Variants in FARP1 observed in about 807,000 individuals in gnomAD.
FARP1 encodes the protein FERM, ARHGEF and pleckstrin domain-containing protein 1.
Under a neutral mutation model 128.8 loss-of-function variants are expected in FARP1, and 52 were observed. That is an observed-to-expected ratio of 0.40 (90% confidence interval 0.32 to 0.51). FARP1 has a LOEUF of 0.51. Ranked by LOEUF, FARP1 falls within the 20% of genes least tolerant of loss-of-function variation. The pLI, the probability that FARP1 is intolerant of heterozygous loss-of-function variation, is 0.45. For synonymous variants in FARP1, 580 were observed against 551.8 expected (o/e 1.05, Z -0.72); for missense variants, 1,333 against 1,367.9 (o/e 0.97, Z 0.40).
chr13:98,244,667 C>T (rs371320712), intron 2 of FARP1: 2 of 1,614,086 alleles, frequency 1.2e-6, no homozygotes, highest in East Asian at 2.2e-5. Flanking sequence ...GAAGTAGAAG[C>T]TTAGCGGTCA....
chr13:98,295,166 G>C (rs1303252053), intron 2 of FARP1, among the ~76,000 whole-genome samples: 1 of 150,074 alleles, frequency 6.7e-6, no homozygotes, highest in Non-Finnish European at 1.5e-5. Flanking sequence ...TACATAAAGG[G>C]CTATGTTGTT....
chr13:98,438,684 C>T, intron 19 of FARP1, 120 bp from the exon 20 acceptor site: 1 of 754,228 alleles, frequency 1.3e-6, no homozygotes, highest in Non-Finnish European at 2.3e-6. Flanking sequence ...TTCTTGGGGT[C>T]TGCACGCTCG....
intron 12 of FARP1, among the ~76,000 whole-genome samples, 153 bp downstream of exon 12, chr13:98,393,871 A>G (rs1369393012): frequency 2.0e-5 from 3 of 152,186 alleles, no homozygotes; most frequent in Non-Finnish European, 2.9e-5. Flanking sequence ...CTTTGACCAG[A>G]TATAGGCTTT....
At chr13:98,424,445 A>C (rs1891702950) in intron 16 of FARP1, 127 bp from the exon 17 acceptor site, 4 of 687,952 alleles carry the variant, frequency 5.8e-6, no homozygotes, top group Non-Finnish European at 1.1e-5. Flanking sequence ...CCATGACCCC[A>C]TAAGAAGTTC....
At position 98,176,143 on chromosome 13, in the gene FARP1, C is replaced by G. The variant is rs1406940820; in HGVS notation, c.-24+32651C>G. ...CAACAGGCTGCTTCTCCCCAGTGTA[C>G]ATACAGACTTGAGTCTTTCTTATCT... On this transcript the variant is annotated intron_variant, in intron 1 of 26. Coordinates refer to ENST00000319562, the MANE Select transcript of FARP1 (RefSeq NM_005766.4). This position sits in a 1 kb window ranked among gnomAD's most constrained non-coding sequence, Gnocchi z 6.2. 2.4e-5 allele frequency: 39 copies of G among 1,601,418 alleles called. No homozygotes were observed. Among genetic ancestry groups the G allele is most frequent in the Non-Finnish European group, 3.0e-5 (35 of 1,169,274 alleles).
At chr13:98,438,534 A>T (rs527815028) in intron 19 of FARP1, among the ~76,000 whole-genome samples, 1 of 151,962 alleles carries the variant, frequency 6.6e-6, no homozygotes, top group Non-Finnish European at 1.5e-5. Flanking sequence ...TGGGGAGGAG[A>T]CAGATGATCC....
At chr13:98,220,583 A>G (rs1172761287) in intron 2 of FARP1, among the ~76,000 whole-genome samples, 2 of 152,178 alleles carry the variant, frequency 1.3e-5, no homozygotes. Flanking sequence ...AACTTTGATA[A>G]ATGGTGCTTG....
At chr13:98,205,843 G>C (rs1018175777) in intron 1 of FARP1, among the ~76,000 whole-genome samples, 22 of 152,022 alleles carry the variant, frequency 1.4e-4, no homozygotes, top group African/African-American at 5.1e-4. Context: ...TCCTCCTAAG[G>C]TCTGCCACCC....
intron 17 of FARP1, among the ~76,000 whole-genome samples, chr13:98,427,812 C>A (rs534515196): frequency 6.6e-6 from 1 of 152,326 alleles, no homozygotes; most frequent in East Asian, 1.9e-4. Context: ...ATGCCATGAG[C>A]GTTTATAGCA....
chr13:98,178,934 C>G (rs768639327), intron 1 of FARP1, among the ~76,000 whole-genome samples: 2 of 152,200 alleles, frequency 1.3e-5, no homozygotes, highest in African/African-American at 2.4e-5. Flanking sequence ...GTTTATACTT[C>G]AGAGTGAGGT....
At chr13:98,337,358 A>G (rs1191490248) in intron 2 of FARP1, among the ~76,000 whole-genome samples, 1 of 152,154 alleles carries the variant, frequency 6.6e-6, no homozygotes, top group Non-Finnish European at 1.5e-5. Flanking sequence ...GGCGACAGCA[A>G]TACACTGTCT....
At chr13:98,417,551 A>G (rs866817628) in intron 16 of FARP1, among the ~76,000 whole-genome samples, 2 of 145,938 alleles carry the variant, frequency 1.4e-5, no homozygotes, top group Non-Finnish European at 3.0e-5. Context: ...GAGGGCAAGG[A>G]TGGTTTGAGG....
chr13:98,165,852 A>C lies in FARP1; in HGVS notation c.-24+22360A>C, dbSNP rs1211779220. On this transcript the variant is annotated intron_variant, in intron 1 of 26. Transcript: ENST00000319562. ...ACTGCCTCAGCCTCCAGAGTAGCTG[A>C]GATTACAGGTGCACACCACCACGCC... Among the ~76,000 whole-genome samples, 3 of 149,714 alleles carry C rather than the reference A, an allele frequency of 2.0e-5. No homozygotes were observed. In the Admixed American group the frequency reaches 2.0e-4, roughly 10 times the overall value.
chr13:98,294,815 A>G (rs949647038), intron 2 of FARP1, among the ~76,000 whole-genome samples: 3 of 152,118 alleles, frequency 2.0e-5, no homozygotes, highest in South Asian at 4.2e-4. Flanking sequence ...CCAGGAGTTC[A>G]AGACCAGCCT....
chr13:98,217,222 C>T lies in FARP1; in HGVS notation c.171+3809C>T, dbSNP rs140073227. ...AAGAGCAGAGGAAATAAGACACAGCCATTTTTATTTTTTATTTTTATTTTT... is the reference window on the plus strand; with the variant it reads ...AAGAGCAGAGGAAATAAGACACAGCTATTTTTATTTTTTATTTTTATTTTT... On this transcript the variant is annotated intron_variant, in intron 2 of 26. Coordinates refer to ENST00000319562, the MANE Select transcript of FARP1 (RefSeq NM_005766.4). Among the ~76,000 whole-genome samples the T allele has an allele frequency of 5.8e-3, 883 of 152,192 alleles. 9 individuals are homozygous for T. Among genetic ancestry groups the T allele is most frequent in the African/African-American group, 0.02 (842 of 41,494 alleles).
Position 98,304,228 on chromosome 13 carries a change from GC to G in FARP1, c.172-39532del, listed in dbSNP as rs1332245176. Among the ~76,000 whole-genome samples the G allele has an allele frequency of 5.9e-5, 9 of 152,272 alleles. No individual in the cohort carries two copies. The East Asian group carries it at 1.7e-3, about 29-fold the overall frequency. ...TGCTCTGCCAGACCTGCATATGGAA[GC>G]CAGTGAAATTACTGGGTAATGGAGT... On this transcript the variant is annotated intron_variant, in intron 2 of 26. Transcript: ENST00000319562.
chr13:98,393,482 C>T (rs1890390671), intron 11 of FARP1, among the ~76,000 whole-genome samples, 161 bp from the exon 12 acceptor site: 2 of 152,200 alleles, frequency 1.3e-5, no homozygotes, highest in South Asian at 4.1e-4. Context: ...AGGATGACTG[C>T]GTATGTTTCC....
At chr13:98,336,019 T>C (rs1485043098) in intron 2 of FARP1, among the ~76,000 whole-genome samples, 2 of 152,186 alleles carry the variant, frequency 1.3e-5, no homozygotes, top group South Asian at 4.2e-4. Context: ...CATTATCAAG[T>C]TCTGTCTATG....
chr13:98,309,228 G>A (rs1366445096), intron 2 of FARP1, among the ~76,000 whole-genome samples: 1 of 118,930 alleles, frequency 8.4e-6, no homozygotes, highest in African/African-American at 3.2e-5. Flanking sequence ...GTGCAGTGGC[G>A]CAATCTCGGC....
Sources: allele counts gnomAD v4.1 joint callset (sites outside exome capture counted in the v4.1 genomes callset), GRCh38; gene constraint gnomAD v4.1.1; non-coding constraint Gnocchi (gnomAD v3.1); transcripts MANE v1.5; gene names NCBI Gene and HGNC (gene_info 2026-07-23, HGNC 2026-07-21).